The following SEPTIN9 variants were observed in gnomAD, a reference collection of about 807,000 sequenced individuals.
SEPTIN9 encodes the protein septin-9.
Under a neutral mutation model 56.6 loss-of-function variants are expected in SEPTIN9, and 13 were observed. The ratio of observed to expected loss-of-function variants is 0.23; its 90% CI spans 0.15 to 0.37. The LOEUF is 0.37. Ranked by LOEUF, SEPTIN9 falls within the 10% of genes least tolerant of loss-of-function variation. The pLI, the probability that SEPTIN9 is intolerant of heterozygous loss-of-function variation, is 1.00. For synonymous variants in SEPTIN9, 332 were observed against 334.1 expected, an observed-to-expected ratio of 0.99 and a Z score of 0.07; for missense variants, 650 against 823.1, an observed-to-expected ratio of 0.79 and a Z score of 2.57.
chr17:77,427,533 C>T (rs1301748274), intron 3 of SEPTIN9, among the ~76,000 whole-genome samples: 2 of 152,228 alleles, frequency 1.3e-5, no homozygotes, highest in Admixed American at 6.5e-5. Context: ...TGGGTTCCAT[C>T]TGCAGGAGTG....
At chr17:77,395,015 A>G (rs55986819) in intron 2 of SEPTIN9, among the ~76,000 whole-genome samples, 12,756 of 151,642 alleles carry the variant, frequency 0.084, 1,715 homozygotes, top group African/African-American at 0.29. Flanking sequence ...GGGATGGGCC[A>G]GCATGCAGTT....
In SEPTIN9 at chr17:77,421,917, C is replaced by A. The variant is rs900418001; in HGVS notation, c.721+19214C>A. ...AGGCTGGAGTTCAATGGCCCAATGT[C>A]CCGCTCACTGTGATCTCGACCTCCT... On this transcript the variant is annotated intron_variant, in intron 3 of 11. Coordinates refer to ENST00000427177, the MANE Select transcript of SEPTIN9 (RefSeq NM_001113491.2). The surrounding 1 kb of genome is among the most constrained non-coding windows in gnomAD (Gnocchi z 4.6). Among the ~76,000 whole-genome samples, 1 of 152,188 alleles carries A rather than the reference C, an allele frequency of 6.6e-6. No individual in the cohort carries two copies. The highest frequency in any genetic ancestry group is 2.4e-5 in the African/African-American group (1 of 41,434).
At position 77,319,547 on chromosome 17, in the gene SEPTIN9, G is replaced by T. The variant is rs534426016; in HGVS notation, c.76+12350G>T. 4.8e-6 allele frequency: 5 copies of T among 1,052,538 alleles called. No individual in the cohort carries two copies. Among genetic ancestry groups the T allele is most frequent in the Non-Finnish European group, 5.7e-6 (5 of 871,262 alleles). 65.2% of individuals were successfully genotyped at this position (1,052,538 alleles called of 1,614,324 possible). A position where few individuals can be genotyped will look rare whatever the true frequency, so the allele number is the denominator to read the frequency against. On this transcript the variant is annotated intron_variant, in intron 2 of 11. Transcript: ENST00000427177. The surrounding 1 kb of genome is among the most constrained non-coding windows in gnomAD (Gnocchi z 5.3). ...GTCACTGCAGACTAATGGGACGGAGGGGGGTGACTTCTCAGGGTTCCTCCT... is the reference window on the plus strand; with the variant it reads ...GTCACTGCAGACTAATGGGACGGAGTGGGGTGACTTCTCAGGGTTCCTCCT...
chr17:77,467,906 T>C (rs549451505), intron 3 of SEPTIN9, among the ~76,000 whole-genome samples: 1 of 152,228 alleles, frequency 6.6e-6, no homozygotes, highest in South Asian at 2.1e-4. Flanking sequence ...TTCGGACGTG[T>C]AAGGTTTTGT....
chr17:77,357,319 C>T (rs1441295255), intron 2 of SEPTIN9, among the ~76,000 whole-genome samples: 1 of 152,150 alleles, frequency 6.6e-6, no homozygotes, highest in East Asian at 1.9e-4. Flanking sequence ...GCTCCTGCTG[C>T]AACAGCTACA....
intron 3 of SEPTIN9, among the ~76,000 whole-genome samples, chr17:77,441,598 T>C (rs1465911120): frequency 6.6e-6 from 1 of 152,244 alleles, no homozygotes; most frequent in Non-Finnish European, 1.5e-5. Context: ...ACAAGTAAAC[T>C]GAGCTTCAGG....
chr17:77,482,468 T>C (rs1469188051), intron 4 of SEPTIN9, 133 bp downstream of exon 4: 1 of 919,888 alleles, frequency 1.1e-6, no homozygotes, highest in African/African-American at 1.6e-5. Flanking sequence ...AAGGACGGAT[T>C]GCCAGTGACA....
chr17:77,481,957 T>C (rs561637527), intron 3 of SEPTIN9, 187 bp from the exon 4 acceptor site: 13 of 613,138 alleles, frequency 2.1e-5, no homozygotes, highest in South Asian at 8.2e-5. Flanking sequence ...GGCAGCTTTT[T>C]AGAGGACACC....
chr17:77,348,904 A>G (rs1175405846), intron 2 of SEPTIN9, among the ~76,000 whole-genome samples: 2 of 152,068 alleles, frequency 1.3e-5, no homozygotes, highest in Non-Finnish European at 1.5e-5. Context: ...AATCTTTTCT[A>G]TTTGCCCATG....
rs2040065502 is a variant in SEPTIN9, at chr17:77,492,322, C to A, written c.1381-299C>A. 6.6e-6 allele frequency among the ~76,000 whole-genome samples: 1 copy of A among 152,064 alleles called. No individual in the cohort carries two copies. Among genetic ancestry groups the A allele is most frequent in the South Asian group, 2.1e-4 (1 of 4,828 alleles). On this transcript the variant is annotated intron_variant, in intron 8 of 11. Coordinates refer to ENST00000427177, the MANE Select transcript of SEPTIN9 (RefSeq NM_001113491.2). This position sits in a 1 kb window ranked among gnomAD's most constrained non-coding sequence, Gnocchi z 5.4. ...TTTCAGGAGGGGAGGTCTCGGTAAC[C>A]CTGAGTACTTTCTTGGGGCTGTGAT... is the stretch of plus-strand genomic sequence containing the variant.
intron 3 of SEPTIN9, among the ~76,000 whole-genome samples, chr17:77,467,881 C>T (rs1264016671): frequency 6.6e-6 from 1 of 152,148 alleles, no homozygotes; most frequent in Non-Finnish European, 1.5e-5. Context: ...TCATTCACAG[C>T]GTCTTACTGG....
chr17:77,387,863 G>T (rs933411554), intron 2 of SEPTIN9, among the ~76,000 whole-genome samples: 1 of 152,022 alleles, frequency 6.6e-6, no homozygotes, highest in Non-Finnish European at 1.5e-5. Context: ...GAAGGTGCCT[G>T]ATCTAGCCTG....
chr17:77,434,965 C>T lies in SEPTIN9; in HGVS notation c.721+32262C>T, dbSNP rs780454215. 1.3e-5 allele frequency among the ~76,000 whole-genome samples: 2 copies of T among 152,126 alleles called. No homozygotes were observed. Among genetic ancestry groups the T allele is most frequent in the African/African-American group, 4.8e-5 (2 of 41,404 alleles). ...CCGACATCAGGCTGCCGGTGCTGGA[C>T]GGGGCCCTGGCAACCGTGGCAGGAG... is the stretch of plus-strand genomic sequence containing the variant. On this transcript the variant is annotated intron_variant, in intron 3 of 11. Coordinates refer to ENST00000427177, the MANE Select transcript of SEPTIN9 (RefSeq NM_001113491.2). This position sits in a 1 kb window ranked among gnomAD's most constrained non-coding sequence, Gnocchi z 5.0.
intron 1 of SEPTIN9, among the ~76,000 whole-genome samples, chr17:77,301,043 A>C (rs1598486028): frequency 1.3e-5 from 1 of 74,624 alleles, no homozygotes; most frequent in Non-Finnish European, 2.5e-5. Context: ...GCCCTATCCC[A>C]GGCTCAAACC....
intron 2 of SEPTIN9, among the ~76,000 whole-genome samples, chr17:77,311,901 T>C (rs983055728): frequency 4.6e-5 from 7 of 151,994 alleles, no homozygotes; most frequent in African/African-American, 1.7e-4. Flanking sequence ...AGTTCATTAC[T>C]TCCTCTCTCA....
intron 2 of SEPTIN9, among the ~76,000 whole-genome samples, chr17:77,368,421 C>G (rs570680168): frequency 9.9e-5 from 15 of 151,734 alleles, no homozygotes; most frequent in African/African-American, 3.6e-4. Context: ...AGGCGATTCT[C>G]GTGCCTCAGC....
At chr17:77,397,310 A>G (rs1015811281) in intron 2 of SEPTIN9, among the ~76,000 whole-genome samples, 2 of 151,920 alleles carry the variant, frequency 1.3e-5, no homozygotes, top group Admixed American at 6.6e-5. Context: ...CTCTGCTCTC[A>G]TCACGTAGCC....
At chr17:77,286,301 C>G (rs1437946421) in intron 1 of SEPTIN9, 1 of 152,394 alleles carries the variant, frequency 6.6e-6, no homozygotes, top group Non-Finnish European at 1.5e-5. Flanking sequence ...CAGGCACTTG[C>G]CCGTCAGATC....
intron 2 of SEPTIN9, among the ~76,000 whole-genome samples, chr17:77,314,962 T>C (rs1436139): frequency 0.71 from 108,312 of 151,950 alleles, 38,765 homozygotes; most frequent in Middle Eastern, 0.83. Context: ...TGGACCTGGC[T>C]CCTACTGGGC....
Sources: allele counts gnomAD v4.1 joint callset (sites outside exome capture counted in the v4.1 genomes callset), GRCh38; gene constraint gnomAD v4.1.1; non-coding constraint Gnocchi (gnomAD v3.1); transcripts MANE v1.5; gene names NCBI Gene and HGNC (gene_info 2026-07-23, HGNC 2026-07-21).